CHD2: variants seen among roughly 807,000 people sequenced by gnomAD.
CHD2 encodes the protein chromodomain helicase DNA binding protein 2.
CHD2 carries 28 observed loss-of-function variants against 243.9 expected under a neutral mutation model. That is an observed-to-expected ratio of 0.11 (90% confidence interval 0.09 to 0.16). The LOEUF (loss-of-function observed/expected upper bound fraction) is 0.16. CHD2 is among the 10% of genes least tolerant of loss of function. CHD2 has a pLI of 1.00. For synonymous variants in CHD2, 775 were observed against 779.0 expected, an observed-to-expected ratio of 0.99 and a Z score of 0.09; for missense variants, 1,386 against 2,209.8, an observed-to-expected ratio of 0.63 and a Z score of 7.47.
At chr15:92,959,669 T>C (rs2053660148) in intron 16 of CHD2, among the ~76,000 whole-genome samples, 2 of 152,132 alleles carry the variant, frequency 1.3e-5, no homozygotes, top group African/African-American at 4.8e-5. Context: ...TTTTTTGTAT[T>C]TTAGTAGAAA....
At chr15:92,940,698 ATTGT>A (rs2053347262) in intron 7 of CHD2, among the ~76,000 whole-genome samples, 2 of 149,660 alleles carry the variant, frequency 1.3e-5, no homozygotes, top group African/African-American at 4.9e-5. Context: ...TACATCCAGG[ATTGT>A]TTTTCTTTCT....
Position 92,924,490 on chromosome 15 carries a change from G to A in CHD2, c.232G>A (p.Val78Ile). Residue 78 changes from valine (V) to isoleucine (I), a missense_variant, in exon 3 of 39, where the codon GTC becomes ATC. Physicochemically the swap from Val to Ile is conservative, Grantham distance 29 (BLOSUM62 3). Around this residue, in one of 19 missense-constraint regions of CHD2, gnomAD observed 89 missense variants for 102.4 expected, o/e 0.87. Transcript: ENST00000394196. ...ATCAGCAGGTTCCAAATCCCAGCCAGTCCTCCCAGAAGCCAAAGAGAAGCC... is the reference window on the plus strand; with the variant it reads ...ATCAGCAGGTTCCAAATCCCAGCCAATCCTCCCAGAAGCCAAAGAGAAGCC... ...SESAGSKSQP[V>I]LPEAKEKPAS... The A allele has an allele frequency of 6.2e-7, 1 of 1,614,120 alleles. No individual in the cohort carries two copies. Among genetic ancestry groups the A allele is most frequent in the South Asian group, 1.1e-5 (1 of 91,078 alleles).
At chr15:92,915,707 A>C (rs2052821517) in intron 2 of CHD2, among the ~76,000 whole-genome samples, 1 of 152,194 alleles carries the variant, frequency 6.6e-6, no homozygotes, top group Non-Finnish European at 1.5e-5. Context: ...ATAGTTTTGA[A>C]ATTTTCTTTT....
intron 8 of CHD2, 26 bp downstream of exon 8, chr15:92,941,981 C>G (rs746944723): frequency 6.2e-7 from 1 of 1,600,950 alleles, no homozygotes; most frequent in South Asian, 1.1e-5. Context: ...GAGCAAATTA[C>G]ATTTTATGTA....
intron 5 of CHD2, among the ~76,000 whole-genome samples, chr15:92,931,120 T>G (rs1025687583): frequency 1.3e-5 from 2 of 152,246 alleles, no homozygotes; most frequent in African/African-American, 2.4e-5. Flanking sequence ...TAACCTAATG[T>G]GTGGTCACAT....
In CHD2 at chr15:92,984,383, C is replaced by A; in HGVS notation, c.3120C>A (p.His1040Gln). 4 of 1,606,246 alleles carry A rather than the reference C, an allele frequency of 2.5e-6. No individual in the cohort carries two copies. In the South Asian group the frequency reaches 4.5e-5, roughly 18 times the overall value. The change falls in exon 25 of 39, where the codon CAC becomes CAA. Residue 1040 changes from histidine (H) to glutamine (Q), a missense_variant. This residue lies in a region of CHD2 where 99 missense variants were observed against 206.4 expected (regional missense o/e 0.48). Transcript: ENST00000394196. ...EDEEELEERPHKDWDEIIPEE... is the reference protein window; with the variant it reads ...EDEEELEERPQKDWDEIIPEE... ...AAGAAGAGCTAGAAGAGCGTCCTCA[C>A]AAGGACTGGGATGAGATCATTCCAG... is the stretch of plus-strand genomic sequence containing the variant.
intron 16 of CHD2, among the ~76,000 whole-genome samples, chr15:92,960,344 A>G (rs2053668614): frequency 6.6e-6 from 1 of 152,020 alleles, no homozygotes; most frequent in African/African-American, 2.4e-5. Context: ...TTCTTGCCTT[A>G]TTGTATTGGC....
chr15:93,010,987 AAAG>A (rs2054385901), intron 35 of CHD2, among the ~76,000 whole-genome samples: 1 of 152,246 alleles, frequency 6.6e-6, no homozygotes, highest in Non-Finnish European at 1.5e-5. Flanking sequence ...TCACACCTAT[AAAG>A]AAAAGATTTA....
At chr15:93,020,696 T>G (rs2054524624) in intron 38 of CHD2, 4 of 237,104 alleles carry the variant, frequency 1.7e-5, no homozygotes, top group Non-Finnish European at 3.3e-5. Flanking sequence ...CCACCAGTAG[T>G]ACGATGAGCC....
chr15:92,905,805 C>T (rs916306501), intron 2 of CHD2, among the ~76,000 whole-genome samples: 1 of 152,160 alleles, frequency 6.6e-6, no homozygotes, highest in African/African-American at 2.4e-5. Flanking sequence ...AAAATGCTAA[C>T]AGAGAATTAA....
intron 28 of CHD2, 114 bp from the exon 29 acceptor site, chr15:92,996,843 C>A: frequency 3.0e-6 from 3 of 1,016,688 alleles, no homozygotes; most frequent in Non-Finnish European, 2.8e-6. Flanking sequence ...TTCAAAATAA[C>A]AATAAGCCAG....
chr15:92,973,029 C>T (rs111685150), intron 19 of CHD2, among the ~76,000 whole-genome samples: 4 of 152,200 alleles, frequency 2.6e-5, no homozygotes, highest in African/African-American at 7.2e-5. Flanking sequence ...CATCTTATTG[C>T]ATGTGTATGG....
chr15:92,901,200 C>A lies in CHD2; in HGVS notation c.-38C>A. Reference sequence around the variant, plus strand: ...TGGGCACAGGACTTCAAAGCAAACACAGATTCCCCCTCCCCCTTAATATTT... The same window carrying A: ...TGGGCACAGGACTTCAAAGCAAACAAAGATTCCCCCTCCCCCTTAATATTT... On this transcript the variant is annotated 5_prime_UTR_variant, in exon 2 of 39. Transcript: ENST00000394196. 7.7e-7 allele frequency: 1 copy of A among 1,301,476 alleles called. No individual in the cohort carries two copies. Among genetic ancestry groups the A allele is most frequent in the Non-Finnish European group, 1.1e-6 (1 of 900,988 alleles). 80.6% of individuals were successfully genotyped at this position (1,301,476 alleles called of 1,614,324 possible).
At chr15:92,950,882 A>G (rs1384469813) in intron 13 of CHD2, among the ~76,000 whole-genome samples, 6 of 152,204 alleles carry the variant, frequency 3.9e-5, no homozygotes. Flanking sequence ...TATCTGATAA[A>G]ATCTAGTACA....
intron 26 of CHD2, among the ~76,000 whole-genome samples, chr15:92,987,240 C>T (rs1161443066): frequency 6.6e-6 from 1 of 151,796 alleles, no homozygotes; most frequent in Non-Finnish European, 1.5e-5. Context: ...TGTTTTAATT[C>T]CTATTTTCAG....
chr15:92,905,405 C>T (rs1300354351), intron 2 of CHD2, among the ~76,000 whole-genome samples: 1 of 152,080 alleles, frequency 6.6e-6, no homozygotes, highest in Non-Finnish European at 1.5e-5. Context: ...TGAATTTAAG[C>T]AAGCAAGAAA....
intron 14 of CHD2, among the ~76,000 whole-genome samples, chr15:92,954,730 C>T (rs182324834): frequency 2.6e-5 from 4 of 152,228 alleles, no homozygotes; most frequent in African/African-American, 9.6e-5. Context: ...TTGCTATCTC[C>T]AGTTCTCCTT....
Position 92,972,250 on chromosome 15 carries a change from C to T in CHD2, c.2353-15C>T. On this transcript the variant is annotated splice_polypyrimidine_tract_variant and intron_variant, in intron 18 of 38. Transcript: ENST00000394196. ...TGTTTCAACATAATTATTGGAATGT[C>T]TTTTAAATCTTCAGTCCCTCATAAG... 1 of 1,601,364 alleles carries T rather than the reference C, an allele frequency of 6.2e-7. No individual in the cohort carries two copies. The highest frequency in any genetic ancestry group is 8.5e-7 in the Non-Finnish European group (1 of 1,175,448).
At chr15:92,977,026 A>G (rs557176111) in intron 20 of CHD2, among the ~76,000 whole-genome samples, 4 of 152,092 alleles carry the variant, frequency 2.6e-5, no homozygotes, top group African/African-American at 4.8e-5. Context: ...CAACTTGATC[A>G]TAGATGCAGA....
Sources: allele counts gnomAD v4.1 joint callset (sites outside exome capture counted in the v4.1 genomes callset), GRCh38; gene constraint gnomAD v4.1.1; regional missense constraint gnomAD v4.1.1; transcripts MANE v1.5; gene names NCBI Gene and HGNC (gene_info 2026-07-23, HGNC 2026-07-21).